The following LZTS2 variants were observed in gnomAD, a reference collection of about 807,000 sequenced individuals.
The protein encoded by LZTS2 is leucine zipper putative tumor suppressor 2.
In LZTS2, 32 loss-of-function variants were observed where a neutral mutation model predicts 60.6. The ratio of observed to expected loss-of-function variants is 0.53; its 90% CI spans 0.40 to 0.71. The LOEUF is 0.71. Ranked by LOEUF, LZTS2 falls within the 30% of genes least tolerant of loss-of-function variation. The pLI is 0.00. For synonymous variants in LZTS2, 360 were observed against 393.1 expected (o/e 0.92, Z 1.00); for missense variants, 792 against 901.9 (o/e 0.88, Z 1.56).
chr10:101,006,984 A>G lies in LZTS2; in HGVS notation c.1826A>G (p.Gln609Arg), dbSNP rs542973809. The G allele has an allele frequency of 1.2e-4, 181 of 1,555,706 alleles. 2 individuals are homozygous for G. In the South Asian group the frequency reaches 2.1e-3, roughly 18 times the overall value. ...CTGGCCTGGCAGGCAGAGAAGGAGC[A>G]GGTGATCCGCTACCAGAAGCAGCTG... is the stretch of plus-strand genomic sequence containing the variant. The change falls in exon 4 of 4, where the codon CAG becomes CGG. Residue 609 changes from glutamine to arginine, a missense_variant. Coordinates refer to ENST00000370220, the Ensembl canonical transcript of LZTS2.
intron 3 of LZTS2, 64 bp downstream of exon 4, chr10:101,005,779 C>G (rs1310775922): frequency 6.9e-7 from 1 of 1,440,794 alleles, no homozygotes; most frequent in African/African-American, 1.4e-5. Flanking sequence ...AAAAAGGGGC[C>G]CAGCCCCACC....
chr10:101,006,609 C>T lies in LZTS2; in HGVS notation c.1451C>T (p.Thr484Met), dbSNP rs200204091. The T allele has an allele frequency of 1.4e-5, 22 of 1,603,276 alleles. No individual in the cohort carries two copies. Among genetic ancestry groups the T allele is most frequent in the East Asian group, 1.1e-4 (5 of 44,528 alleles). ...GTGGCGCTGCGGGAGGCCCGTGCTA[C>T]GCTGCGGGTCAGTGAGGGCCGTGCG... Residue 484 changes from threonine (T) to methionine (M), a missense_variant, in exon 4 of 4, where the codon ACG (threonine) becomes ATG (methionine). Thr to Met is a moderately conservative substitution (Grantham distance 81). Coordinates refer to ENST00000370220, the Ensembl canonical transcript of LZTS2.
exon 2 of LZTS2, chr10:101,003,681 T>G: frequency 6.2e-7 from 1 of 1,612,358 alleles, no homozygotes; most frequent in South Asian, 1.1e-5. Context: ...CTCTTCCTCC[T>G]CCTCTTCAGC....
chr10:101,003,619 G>A (rs1349166348), exon 2 of LZTS2: 1 of 1,602,732 alleles, frequency 6.2e-7, no homozygotes, highest in South Asian at 1.1e-5. Context: ...GGGCTGTCTG[G>A]GAGCCAGGGC....
At chr10:101,005,521 G>A in exon 3 of LZTS2, 1 of 1,604,866 alleles carries the variant, frequency 6.2e-7, no homozygotes. Context: ...GGACTGTGCG[G>A]CCCAGGCACA....
Position 101,002,872 on chromosome 10 carries a change from G to C in LZTS2, c.334G>C (p.Glu112Gln), listed in dbSNP as rs1031118166. Residue 112 changes from glutamate (E) to glutamine (Q), a missense_variant, in exon 1 of 4, where the codon GAG becomes CAG. Coordinates refer to ENST00000370220, the Ensembl canonical transcript of LZTS2. Reference sequence around the variant, plus strand: ...AAGCAGTGATGTTGAGGATGCCCGAGAGCAGCGGGCACACAATGCCCACCT... The same window carrying C: ...AAGCAGTGATGTTGAGGATGCCCGACAGCAGCGGGCACACAATGCCCACCT... The C allele has an allele frequency of 3.7e-6, 6 of 1,613,718 alleles. No individual in the cohort carries two copies. In the Admixed American group the frequency reaches 6.7e-5, roughly 18 times the overall value.
chr10:101,006,792 C>T, exon 4 of LZTS2: 1 of 1,544,394 alleles, frequency 6.5e-7, no homozygotes. Context: ...GTGCCACCTG[C>T]CACCGCTGAC....
At chr10:101,003,615 T>C in exon 2 of LZTS2, 1 of 1,601,948 alleles carries the variant, frequency 6.2e-7, no homozygotes, top group Non-Finnish European at 8.5e-7. Flanking sequence ...CACCGGGCTG[T>C]CTGGGAGCCA....
At chr10:100,997,056 G>A, upstream of LZTS2, 1 of 152,746 alleles carries the variant, frequency 6.5e-6, no homozygotes, top group Non-Finnish European at 1.5e-5. Flanking sequence ...GAGCCGCCCC[G>A]CCCCGCCCCG....
chr10:101,005,499 G>A (rs771380451), exon 3 of LZTS2: 4 of 1,583,992 alleles, frequency 2.5e-6, no homozygotes, highest in Non-Finnish European at 3.4e-6. Flanking sequence ...GAGAGCGTGA[G>A]GCCCTGCGAG....
exon 1 of LZTS2, chr10:101,002,354 T>G: frequency 5.3e-5 from 27 of 508,996 alleles, no homozygotes; most frequent in East Asian, 1.0e-4. Context: ...CAGGGGGAAT[T>G]GAGATTCATT....
chr10:101,003,680 C>T (rs1172416587), exon 2 of LZTS2: 2 of 1,612,498 alleles, frequency 1.2e-6, no homozygotes, highest in African/African-American at 2.7e-5. Context: ...CCTCTTCCTC[C>T]TCCTCTTCAG....
chr10:101,005,333 C>A, intron 2 of LZTS2, 125 bp from the exon 4 acceptor site: 1 of 1,063,820 alleles, frequency 9.4e-7, no homozygotes, highest in Non-Finnish European at 1.3e-6. Context: ...ATTGTTGTTG[C>A]AATTACTATT....
At chr10:101,003,652 G>A (rs1181986996) in exon 2 of LZTS2, 8 of 1,609,258 alleles carry the variant, frequency 5.0e-6, no homozygotes, top group Non-Finnish European at 6.8e-6. Context: ...CTGTTTGGGG[G>A]CCCTGCCTCC....
exon 2 of LZTS2, chr10:101,003,649 G>C: frequency 1.2e-6 from 2 of 1,609,010 alleles, no homozygotes; most frequent in Non-Finnish European, 1.7e-6. Flanking sequence ...CAGCTGTTTG[G>C]GGGCCCTGCC....
intron 1 of LZTS2, 30 bp downstream of exon 2, chr10:101,002,976 G>C: frequency 6.3e-7 from 1 of 1,578,810 alleles, no homozygotes; most frequent in Non-Finnish European, 8.6e-7. Flanking sequence ...TGTGGGCCTG[G>C]GTAGAACGGG....
exon 2 of LZTS2, chr10:101,003,826 C>T (rs1361755268): frequency 6.2e-7 from 1 of 1,613,448 alleles, no homozygotes; most frequent in Non-Finnish European, 8.5e-7. Context: ...ACCAGCTCCC[C>T]AGGCGGGCAC....
Position 101,007,092 on chromosome 10 carries a change from G to A in LZTS2, c.1934G>A (p.Arg645Gln), listed in dbSNP as rs1205020719. The A allele has an allele frequency of 1.1e-5, 18 of 1,610,560 alleles. No individual in the cohort carries two copies. Among genetic ancestry groups the A allele is most frequent in the East Asian group, 4.5e-5 (2 of 44,808 alleles). ...CAGCTCAGCCTGGAGCTGGAGGCCC[G>A]GGAGCTCGCTGACCTGGGCCTGGCC... Residue 645 changes from arginine to glutamine, a missense_variant, in exon 4 of 4, where the codon CGG becomes CAG. Coordinates refer to ENST00000370220, the Ensembl canonical transcript of LZTS2.
At chr10:101,001,326 C>G (rs753436563) in exon 1 of LZTS2, 1 of 152,308 alleles carries the variant, frequency 6.6e-6, no homozygotes, top group Non-Finnish European at 1.5e-5. Flanking sequence ...TGTGAATTCA[C>G]ACATGAACTC....
Sources: gnomAD v4.1 joint callset for allele counts on GRCh38, gnomAD v4.1.1 for gene constraint, MANE v1.5 for transcripts, NCBI Gene and HGNC (gene_info 2026-07-23, HGNC 2026-07-21) for gene names.